Variants in PDE10A observed in about 807,000 individuals in gnomAD.
The protein encoded by PDE10A is cAMP and cAMP-inhibited cGMP 3',5'-cyclic phosphodiesterase 10A.
Under a neutral mutation model 97.7 loss-of-function variants are expected in PDE10A, and 39 were observed. The ratio of observed to expected loss-of-function variants is 0.40; its 90% CI spans 0.31 to 0.52. The LOEUF (loss-of-function observed/expected upper bound fraction) is 0.52. Ranked by LOEUF, PDE10A falls within the 20% of genes least tolerant of loss-of-function variation. The pLI is 0.56. For synonymous variants in PDE10A, 371 were observed against 376.8 expected, an observed-to-expected ratio of 0.98 and a Z score of 0.18; for missense variants, 731 against 1,047.8, an observed-to-expected ratio of 0.70 and a Z score of 4.17.
chr6:165,581,442 A>G lies in PDE10A; in HGVS notation c.866-37874T>C, dbSNP rs116572109. 9.5e-3 allele frequency among the ~76,000 whole-genome samples: 1,450 copies of G among 152,300 alleles called. 27 individuals carry two copies. The highest frequency in any genetic ancestry group is 0.033 in the African/African-American group (1,382 of 41,548). On this transcript the variant is annotated intron_variant, in intron 1 of 21. Transcript: ENST00000539869. ...ATAAGAAATGAGAAAGAGATGACTT[A>G]TCTCTCAAAACATTTCTCTTGTAAG...
At chr6:165,667,640 C>CT (rs781734434), upstream of PDE10A, among the ~76,000 whole-genome samples, 956 of 128,938 alleles carry the variant, frequency 7.4e-3, 1 homozygote, top group Non-Finnish European at 0.011. Flanking sequence ...ATGTGTGTTT[C>CT]TTTTTTTTTT....
At chr6:165,364,761 C>A (rs1412359611) in intron 18 of PDE10A, among the ~76,000 whole-genome samples, 1 of 152,076 alleles carries the variant, frequency 6.6e-6, no homozygotes, top group Non-Finnish European at 1.5e-5. Context: ...TAGTTATATT[C>A]TTTTTACAAC....
chr6:165,633,812 T>C (rs932671135), intron 1 of PDE10A, among the ~76,000 whole-genome samples: 2 of 151,118 alleles, frequency 1.3e-5, no homozygotes, highest in Non-Finnish European at 3.0e-5. Flanking sequence ...TTTTTTCGTA[T>C]TTTTATAGAG....
At chr6:165,690,147 T>C (rs914284310) in intron 1 of PDE10A, among the ~76,000 whole-genome samples, 15 of 152,290 alleles carry the variant, frequency 9.8e-5, no homozygotes, top group African/African-American at 3.4e-4. Flanking sequence ...TCTCATGCCA[T>C]AGCTTATGAT....
intron 13 of PDE10A, among the ~76,000 whole-genome samples, chr6:165,402,889 G>A (rs1230525386): frequency 6.6e-6 from 1 of 152,138 alleles, no homozygotes; most frequent in Non-Finnish European, 1.5e-5. Flanking sequence ...AGAAATGACT[G>A]TGTCTATGAG....
At chr6:165,588,482 G>C (rs952556974) in intron 1 of PDE10A, among the ~76,000 whole-genome samples, 1 of 151,574 alleles carries the variant, frequency 6.6e-6, no homozygotes, top group African/African-American at 2.4e-5. Flanking sequence ...GTGGAGATGG[G>C]GTTTCACCAT....
intron 1 of PDE10A, among the ~76,000 whole-genome samples, chr6:165,644,348 A>G (rs1789289866): frequency 6.6e-6 from 1 of 152,208 alleles, no homozygotes; most frequent in Non-Finnish European, 1.5e-5. Context: ...GGCATGAGCC[A>G]CCATGCCCGG....
intron 10 of PDE10A, among the ~76,000 whole-genome samples, chr6:165,423,637 G>A (rs933028095): frequency 5.3e-5 from 8 of 152,134 alleles, no homozygotes; most frequent in Non-Finnish European, 1.0e-4. Flanking sequence ...GGAGGCTGAG[G>A]TGGGTGGATC....
At chr6:165,952,021 A>G (rs536253641) in intron 1 of PDE10A, among the ~76,000 whole-genome samples, 14 of 152,362 alleles carry the variant, frequency 9.2e-5, no homozygotes, top group African/African-American at 3.4e-4. Flanking sequence ...TGTGCATCTC[A>G]TTCTCGCAAT....
intron 2 of PDE10A, among the ~76,000 whole-genome samples, chr6:165,529,967 G>T (rs1392482599): frequency 6.6e-6 from 1 of 152,074 alleles, no homozygotes; most frequent in Admixed American, 6.5e-5. Context: ...GCTGCCAAAG[G>T]AGATTAACAT....
At chr6:165,822,195 C>G (rs548713724) in intron 1 of PDE10A, among the ~76,000 whole-genome samples, 1 of 152,296 alleles carries the variant, frequency 6.6e-6, no homozygotes, top group Admixed American at 6.5e-5. Context: ...CATTTACACA[C>G]ACCTGGATGG....
At chr6:165,338,683 C>A (rs1781790082) in intron 20 of PDE10A, among the ~76,000 whole-genome samples, 1 of 152,160 alleles carries the variant, frequency 6.6e-6, no homozygotes, top group African/African-American at 2.4e-5. Context: ...AAAATATTTT[C>A]TGCTTGTTAA....
At chr6:165,717,579 G>T (rs977991047) in intron 1 of PDE10A, among the ~76,000 whole-genome samples, 2 of 107,058 alleles carry the variant, frequency 1.9e-5, no homozygotes, top group East Asian at 2.4e-4. Context: ...GAGAGACTCC[G>T]TCTCAAAAAA....
intron 1 of PDE10A, among the ~76,000 whole-genome samples, chr6:165,909,926 A>G (rs1782405910): frequency 6.6e-6 from 1 of 152,032 alleles, no homozygotes; most frequent in Non-Finnish European, 1.5e-5. Flanking sequence ...TTCTCTACAA[A>G]GCCCTCTCCC....
intron 2 of PDE10A, among the ~76,000 whole-genome samples, chr6:165,492,853 GAGAA>G (rs980303112): frequency 1.3e-5 from 2 of 151,958 alleles, no homozygotes; most frequent in African/African-American, 4.8e-5. Context: ...AATCAAACAA[GAGAA>G]AGAAAGAGCA....
intron 2 of PDE10A, among the ~76,000 whole-genome samples, chr6:165,540,922 G>A (rs1031081995): frequency 5.9e-5 from 9 of 152,014 alleles, no homozygotes; most frequent in Admixed American, 2.6e-4. Flanking sequence ...AAGTCACCAC[G>A]CCCAGAGAAC....
intron 2 of PDE10A, among the ~76,000 whole-genome samples, chr6:165,493,645 C>T (rs1411031288): frequency 6.6e-6 from 1 of 152,036 alleles, no homozygotes; most frequent in Non-Finnish European, 1.5e-5. Flanking sequence ...AAACTGGATC[C>T]TCATCTCTCA....
intron 2 of PDE10A, among the ~76,000 whole-genome samples, chr6:165,528,561 C>T (rs1420492251): frequency 6.6e-6 from 1 of 152,198 alleles, no homozygotes; most frequent in Non-Finnish European, 1.5e-5. Context: ...GGTTTGTTCT[C>T]AATGGAATAG....
chr6:165,771,514 G>GA (rs1332577284), intron 1 of PDE10A, among the ~76,000 whole-genome samples: 2 of 152,120 alleles, frequency 1.3e-5, no homozygotes, highest in African/African-American at 2.4e-5. Context: ...GAAGGACACA[G>GA]AAAATCAAAC....
Sources: gnomAD v4.1 joint callset for allele counts (sites outside exome capture counted in the v4.1 genomes callset) on GRCh38, gnomAD v4.1.1 for gene constraint, MANE v1.5 for transcripts, NCBI Gene and HGNC (gene_info 2026-07-23, HGNC 2026-07-21) for gene names.